MAPK9: variants seen among roughly 807,000 people sequenced by gnomAD.
The protein encoded by MAPK9 is mitogen-activated protein kinase 9.
A neutral mutation model predicts 57.1 loss-of-function variants in MAPK9; 30 were observed. The observed-to-expected ratio is 0.53, with a 90% confidence interval of 0.39 to 0.71. The LOEUF is 0.71. Ranked by LOEUF, MAPK9 falls within the 30% of genes least tolerant of loss-of-function variation. The pLI is 0.00. For synonymous variants in MAPK9, 155 were observed against 177.0 expected, an observed-to-expected ratio of 0.88 and a Z score of 0.99; for missense variants, 362 against 521.0, an observed-to-expected ratio of 0.69 and a Z score of 2.97.
Position 180,236,199 on chromosome 5 carries a change from G to T in MAPK9, c.*185C>A. On this transcript the variant is annotated 3_prime_UTR_variant, in exon 12 of 12. Coordinates refer to ENST00000452135, the MANE Select transcript of MAPK9 (RefSeq NM_002752.5). ...GTGTGGCTTGCAATTTTTTTCTTCA[G>T]ACATATTCTGCCTCATTTTATCATC... The T allele has an allele frequency of 1.8e-6, 1 of 546,560 alleles. No homozygotes were observed. Among genetic ancestry groups the T allele is most frequent in the Non-Finnish European group, 2.9e-6 (1 of 348,460 alleles). The allele number at this position is 546,560 out of a possible 1,614,324, so 33.9% of individuals were successfully genotyped here. A position where few individuals can be genotyped will look rare whatever the true frequency, so the allele number is the denominator to read the frequency against.
chr5:180,286,014 A>G (rs1458490334), intron 1 of MAPK9, among the ~76,000 whole-genome samples: 1 of 146,842 alleles, frequency 6.8e-6, no homozygotes, highest in African/African-American at 2.5e-5. Context: ...TGGGAGGCGG[A>G]GCTTGCAGTG....
chr5:180,234,367 T>A lies in MAPK9; in HGVS notation c.*2017A>T, dbSNP rs1248118155. 6.6e-6 allele frequency: 1 copy of A among 152,238 alleles called. No homozygotes were observed. The highest frequency in any genetic ancestry group is 6.5e-5 in the Admixed American group (1 of 15,288). The allele number at this position is 152,238 out of a possible 1,614,324, so 9.4% of individuals were successfully genotyped here. ...GGTATTTCTGTGGAGCCCTGTGGCC[T>A]GTCCTAGGCACGCTCGCCTCTACCT... On this transcript the variant is annotated 3_prime_UTR_variant, in exon 12 of 12. Transcript: ENST00000452135.
At chr5:180,263,375 C>T (rs1760186253) in intron 4 of MAPK9, among the ~76,000 whole-genome samples, 1 of 152,170 alleles carries the variant, frequency 6.6e-6, no homozygotes, top group African/African-American at 2.4e-5. Context: ...AGAACTGCTG[C>T]AACAGCAGTA....
chr5:180,286,750 T>G (rs1162987781), intron 1 of MAPK9, among the ~76,000 whole-genome samples: 1 of 152,186 alleles, frequency 6.6e-6, no homozygotes. Flanking sequence ...AGCAGAAGCA[T>G]TCTCCCAGCC....
intron 1 of MAPK9, among the ~76,000 whole-genome samples, chr5:180,284,914 G>C (rs6885325): frequency 2.6e-5 from 4 of 152,082 alleles, no homozygotes; most frequent in Admixed American, 6.6e-5. Context: ...ACACACACAC[G>C]CATACACACG....
At position 180,280,322 on chromosome 5, in the gene MAPK9, A is replaced by G. The variant is rs1762210561; in HGVS notation, c.122+118T>C. Reference sequence around the variant, plus strand: ...GCAAGCAGTTGATTCAATTTAGCTCATAAACCTATAACAGAGTTTTTTTTT... The same window carrying G: ...GCAAGCAGTTGATTCAATTTAGCTCGTAAACCTATAACAGAGTTTTTTTTT... On this transcript the variant is annotated intron_variant, in intron 2 of 11. Transcript: ENST00000452135. The G allele has an allele frequency of 5.8e-6, 8 of 1,375,560 alleles. No individual in the cohort carries two copies. The East Asian group carries it at 1.9e-4, about 32-fold the overall frequency. 85.2% of individuals were successfully genotyped at this position (1,375,560 alleles called of 1,614,324 possible). A position where few individuals can be genotyped will look rare whatever the true frequency, so the allele number is the denominator to read the frequency against.
chr5:180,262,423 CTTT>C (rs1043125332), intron 4 of MAPK9, among the ~76,000 whole-genome samples: 1 of 152,076 alleles, frequency 6.6e-6, no homozygotes, highest in African/African-American at 2.4e-5. Flanking sequence ...CTTCTCCCTT[CTTT>C]TTATTTTTTA....
At chr5:180,283,792 C>T (rs956211466) in intron 1 of MAPK9, among the ~76,000 whole-genome samples, 8 of 152,000 alleles carry the variant, frequency 5.3e-5, no homozygotes, top group Non-Finnish European at 1.0e-4. Context: ...AAAAATTAGC[C>T]GGGTGTGGTA....
intron 10 of MAPK9, 94 bp downstream of exon 10, chr5:180,239,830 T>G (rs1757504231): frequency 7.9e-7 from 1 of 1,270,160 alleles, no homozygotes; most frequent in Admixed American, 1.8e-5. Context: ...TTCTTGCCCC[T>G]TCCTGAAGGG....
intron 9 of MAPK9, among the ~76,000 whole-genome samples, chr5:180,240,408 T>C (rs963217809): frequency 6.6e-6 from 1 of 152,276 alleles, no homozygotes; most frequent in African/African-American, 2.4e-5. Context: ...ATAAATGGAC[T>C]GTTATAAAAG....
At chr5:180,274,323 C>G (rs1337261731) in intron 2 of MAPK9, among the ~76,000 whole-genome samples, 1 of 152,168 alleles carries the variant, frequency 6.6e-6, no homozygotes, top group Admixed American at 6.5e-5. Context: ...TAAACGTACT[C>G]ATTAATTTAA....
intron 7 of MAPK9, chr5:180,246,189 ATT>A (rs1242292558): frequency 1.8e-4 from 27 of 152,290 alleles, no homozygotes; most frequent in South Asian, 6.2e-4. Context: ...TTTCTAAATT[ATT>A]AGTCTTTTAA....
chr5:180,258,862 TAAA>T (rs531705510), intron 5 of MAPK9, among the ~76,000 whole-genome samples: 4 of 96,036 alleles, frequency 4.2e-5, no homozygotes, highest in African/African-American at 8.2e-5. Flanking sequence ...CTGTCTCTAC[TAAA>T]AAAAAAAAAA....
Position 180,234,157 on chromosome 5 carries a change from C to T in MAPK9, c.*2227G>A, listed in dbSNP as rs1757017577. 1 of 152,170 alleles carries T rather than the reference C, an allele frequency of 6.6e-6. No individual in the cohort carries two copies. Among genetic ancestry groups the T allele is most frequent in the African/African-American group, 2.4e-5 (1 of 41,436 alleles). The allele number at this position is 152,170 out of a possible 1,614,324, so 9.4% of individuals were successfully genotyped here. On this transcript the variant is annotated 3_prime_UTR_variant, in exon 12 of 12. Coordinates refer to ENST00000452135, the MANE Select transcript of MAPK9 (RefSeq NM_002752.5). ...TAAAAATACATGTCCAAAATAGTTA[C>T]TTCCTGGGTTGTGTACAATATAAAT... is the stretch of plus-strand genomic sequence containing the variant.
At chr5:180,279,967 C>T in intron 2 of MAPK9, 1 of 456,722 alleles carries the variant, frequency 2.2e-6, no homozygotes, top group South Asian at 1.5e-5. Flanking sequence ...CCTGGTTAAT[C>T]CATGGAGTGA....
At chr5:180,265,558 T>A (rs1760445645) in intron 3 of MAPK9, among the ~76,000 whole-genome samples, 2 of 152,226 alleles carry the variant, frequency 1.3e-5, no homozygotes, top group Non-Finnish European at 2.9e-5. Context: ...TGCCTCCCTT[T>A]CGTCTTCCGC....
rs183769334 is a variant in MAPK9 at position 180,236,336 on chromosome 5, G to A, written c.*48C>T. The A allele has an allele frequency of 1.4e-5, 21 of 1,553,194 alleles. No homozygotes were observed. The highest frequency in any genetic ancestry group is 7.2e-5 in the South Asian group (6 of 82,984). On this transcript the variant is annotated 3_prime_UTR_variant, in exon 12 of 12. Transcript: ENST00000452135. ...CAACTCCCAAGCATTTCAGGCCCAC[G>A]GAGGTGAGAGTTCCTTCAATGCTGA...
In MAPK9 at chr5:180,269,253, CACAG is replaced by C. The variant is rs1419723611; in HGVS notation, c.252+23_252+26del. ...CCACATTATTGACAATATGGAAGCA[CACAG>C]ACAAAATACATACATAACTTACATT... On this transcript the variant is annotated intron_variant, in intron 3 of 11. Coordinates refer to ENST00000452135, the MANE Select transcript of MAPK9 (RefSeq NM_002752.5). The C allele has an allele frequency of 2.5e-6, 4 of 1,605,870 alleles. No individual in the cohort carries two copies. The South Asian group carries it at 4.4e-5, about 18-fold the overall frequency.
chr5:180,268,112 C>CCG (rs1403088142), intron 3 of MAPK9, among the ~76,000 whole-genome samples: 4 of 152,268 alleles, frequency 2.6e-5, no homozygotes, highest in Admixed American at 1.3e-4. Context: ...GCGTGAGCCA[C>CCG]TGCACCCGGC....
Sources: allele counts gnomAD v4.1 joint callset (sites outside exome capture counted in the v4.1 genomes callset), GRCh38; gene constraint gnomAD v4.1.1; transcripts MANE v1.5; gene names NCBI Gene and HGNC (gene_info 2026-07-23, HGNC 2026-07-21).